The following DOCK1 variants were observed in gnomAD, a reference collection of about 807,000 sequenced individuals.
DOCK1 encodes dedicator of cytokinesis 1, also known as dedicator of cytokinesis protein 1.
In DOCK1, 138 loss-of-function variants were observed where a neutral mutation model predicts 262.7. The observed-to-expected ratio is 0.53, with a 90% CI of 0.46 to 0.61. The LOEUF (loss-of-function observed/expected upper bound fraction) is 0.61, where lower values mean the gene tolerates loss of function less well. DOCK1 is among the 20% of genes least tolerant of loss of function. DOCK1 has a pLI of 0.00. For missense variants in DOCK1, 1,908 were observed against 2,370.7 expected (o/e 0.80, Z 4.05); for synonymous variants, 866 against 867.4 (o/e 1.00, Z 0.03).
intron 23 of DOCK1, among the ~76,000 whole-genome samples, chr10:127,068,623 C>T (rs1459869673): frequency 6.6e-6 from 1 of 152,176 alleles, no homozygotes; most frequent in Admixed American, 6.5e-5. Context: ...AAATAAGAAT[C>T]ATTTATCACC....
chr10:127,132,195 C>G (rs1364090948), intron 27 of DOCK1, among the ~76,000 whole-genome samples: 2 of 152,166 alleles, frequency 1.3e-5, no homozygotes, highest in Non-Finnish European at 2.9e-5. Context: ...TTTACAAAAA[C>G]TCGACTTTGC....
intron 32 of DOCK1, among the ~76,000 whole-genome samples, chr10:127,358,965 C>A (rs1215604006): frequency 6.6e-6 from 1 of 152,094 alleles, no homozygotes; most frequent in East Asian, 1.9e-4. Context: ...GGCTATGAGA[C>A]CGGCAAGGAC....
chr10:127,058,898 T>A (rs2045350669), intron 22 of DOCK1, among the ~76,000 whole-genome samples: 1 of 152,154 alleles, frequency 6.6e-6, no homozygotes, highest in Non-Finnish European at 1.5e-5. Flanking sequence ...ACAGTTAGTA[T>A]TCATTTGATG....
intron 29 of DOCK1, among the ~76,000 whole-genome samples, chr10:127,307,877 C>T (rs574015684): frequency 2.7e-4 from 41 of 152,342 alleles, no homozygotes; most frequent in Admixed American, 4.6e-4. Flanking sequence ...GTGAGTTTTC[C>T]TGGAATTGTC....
intron 28 of DOCK1, among the ~76,000 whole-genome samples, chr10:127,251,363 C>G (rs1030166260): frequency 2.6e-5 from 4 of 151,926 alleles, no homozygotes; most frequent in Non-Finnish European, 4.4e-5. Flanking sequence ...GTGGCCAAAA[C>G]ACTTTCCATT....
At chr10:127,386,355 T>C (rs2066117590) in intron 38 of DOCK1, among the ~76,000 whole-genome samples, 1 of 152,152 alleles carries the variant, frequency 6.6e-6, no homozygotes, top group Admixed American at 6.5e-5. Flanking sequence ...CTGGTACAGG[T>C]CGTGGCCTGT....
intron 41 of DOCK1, 65 bp from the exon 42 acceptor site, chr10:127,409,248 G>A (rs2067702880): frequency 6.2e-7 from 1 of 1,612,104 alleles, no homozygotes; most frequent in African/African-American, 1.3e-5. Flanking sequence ...GTTGGGTGTG[G>A]TGGGGGGCCT....
intron 29 of DOCK1, among the ~76,000 whole-genome samples, chr10:127,333,737 C>A (rs2135688320): frequency 6.6e-6 from 1 of 152,298 alleles, no homozygotes; most frequent in South Asian, 2.1e-4. Flanking sequence ...CCTCGCCGGC[C>A]ACACCAGCCT....
At chr10:127,061,816 T>C in intron 23 of DOCK1, 40 bp downstream of exon 23, 2 of 1,494,206 alleles carry the variant, frequency 1.3e-6, no homozygotes, top group Non-Finnish European at 9.0e-7. Flanking sequence ...TCTCCTTCTT[T>C]TTTTCTTTCA....
intron 43 of DOCK1, among the ~76,000 whole-genome samples, chr10:127,412,668 G>A (rs2067929617): frequency 6.6e-6 from 1 of 152,216 alleles, no homozygotes; most frequent in Non-Finnish European, 1.5e-5. Context: ...GTTGCCTCAA[G>A]TAAAGAGTGG....
chr10:127,420,795 C>T (rs569973376), intron 46 of DOCK1, among the ~76,000 whole-genome samples: 2 of 151,194 alleles, frequency 1.3e-5, no homozygotes, highest in Non-Finnish European at 2.9e-5. Flanking sequence ...GCTGAGATCA[C>T]GCCACTGCAC....
At chr10:127,070,975 G>A (rs370761177) in intron 23 of DOCK1, among the ~76,000 whole-genome samples, 2 of 152,012 alleles carry the variant, frequency 1.3e-5, no homozygotes, top group East Asian at 3.9e-4. Context: ...GCTTCATTCA[G>A]GCTGCCTGCC....
intron 23 of DOCK1, among the ~76,000 whole-genome samples, chr10:127,070,941 C>G (rs1179577271): frequency 6.6e-6 from 1 of 152,032 alleles, no homozygotes; most frequent in Non-Finnish European, 1.5e-5. Flanking sequence ...CACCTGGTCT[C>G]AGTTCTTGCA....
chr10:126,997,900 T>C lies in DOCK1; in HGVS notation c.610-192T>C, dbSNP rs1565045614. 2.9e-5 allele frequency: 19 copies of C among 655,376 alleles called. No individual in the cohort carries two copies. The East Asian group carries it at 5.3e-4, about 18-fold the overall frequency. 40.6% of individuals were successfully genotyped at this position (655,376 alleles called of 1,614,324 possible). On this transcript the variant is annotated intron_variant, in intron 7 of 51. Coordinates refer to ENST00000623213, the MANE Select transcript of DOCK1 (RefSeq NM_001290223.2). ...TACTCAGCACAGCAGTTGCACAGGA[T>C]ACAATTTTTTGTCTGTTGTGTGAAT...
intron 4 of DOCK1, 88 bp from the exon 5 acceptor site, chr10:126,987,433 T>C (rs1339350908): frequency 9.4e-7 from 1 of 1,065,052 alleles, no homozygotes; most frequent in Non-Finnish European, 1.4e-6. Context: ...TACTGAACGC[T>C]ATGGCCTAGA....
Position 127,439,065 on chromosome 10 carries a change from C to G in DOCK1, c.5099C>G (p.Ser1700Cys), listed in dbSNP as rs2069892631. 4 of 1,555,150 alleles carry G rather than the reference C, an allele frequency of 2.6e-6. No individual in the cohort carries two copies. The African/African-American group carries it at 5.5e-5, about 21-fold the overall frequency. The change falls in exon 49 of 52, where the codon TCC (serine) becomes TGC (cysteine). Residue 1700 changes from serine (S) to cysteine (C), a missense_variant. This residue lies in a region of DOCK1 where 383 missense variants were observed against 420.1 expected (regional missense o/e 0.91). Transcript: ENST00000623213. The stretch of plus-strand genomic sequence containing the variant: ...CCTCTCCTGCCAAAGAAAATGCACT[C>G]CAGGTCCCAGGACAAGCTGGACAAG... Reference protein sequence around the residue: ...LEPLLPKKMHSRSQDKLDKDD... With the variant: ...LEPLLPKKMHCRSQDKLDKDD...
intron 27 of DOCK1, among the ~76,000 whole-genome samples, chr10:127,207,112 A>T (rs1057189614): frequency 4.6e-5 from 7 of 152,212 alleles, no homozygotes; most frequent in Non-Finnish European, 1.0e-4. Context: ...TATGGGGGAA[A>T]AAGAAAAATA....
chr10:127,011,647 C>T (rs1350906590), intron 11 of DOCK1, among the ~76,000 whole-genome samples: 3 of 152,136 alleles, frequency 2.0e-5, no homozygotes, highest in Non-Finnish European at 2.9e-5. Context: ...TTCATAACAG[C>T]GCCACACGTG....
Position 127,227,016 on chromosome 10 carries a change from CA to C in DOCK1, c.2848-20990del, listed in dbSNP as rs549492295. 2.3e-3 allele frequency among the ~76,000 whole-genome samples: 345 copies of C among 152,294 alleles called. 1 individual carries two copies. The highest frequency in any genetic ancestry group is 7.9e-3 in the African/African-American group (327 of 41,550). On this transcript the variant is annotated intron_variant, in intron 27 of 51. Coordinates refer to ENST00000623213, the MANE Select transcript of DOCK1 (RefSeq NM_001290223.2). ...ATGTTGCGTATTTTCTTCCATGCCC[CA>C]AGCCCCAGCACCGGACTTGGCCTAT...
Sources: allele counts gnomAD v4.1 joint callset (sites outside exome capture counted in the v4.1 genomes callset), GRCh38; gene constraint gnomAD v4.1.1; regional missense constraint gnomAD v4.1.1; transcripts MANE v1.5; gene names NCBI Gene and HGNC (gene_info 2026-07-23, HGNC 2026-07-21).